The following GALK2 variants were observed in gnomAD, a reference collection of about 807,000 sequenced individuals.
GALK2 encodes galactokinase 2.
A neutral mutation model predicts 52.4 loss-of-function variants in GALK2; 36 were observed. The observed-to-expected ratio is 0.69, with a 90% CI of 0.53 to 0.91. The LOEUF is 0.91. Among genes scored for constraint, GALK2 ranks in the 40% least tolerant of loss-of-function variants. The pLI is 0.00. For missense variants in GALK2, 579 were observed against 559.1 expected (o/e 1.04, Z -0.36); for synonymous variants, 176 against 199.1 (o/e 0.88, Z 0.98).
chr15:49,238,124 T>A (rs11632303), intron 4 of GALK2, among the ~76,000 whole-genome samples: 25,740 of 152,150 alleles, frequency 0.17, 2,450 homozygotes, highest in Non-Finnish European at 0.21. Flanking sequence ...AAATTCTCCC[T>A]TGTATAATAG....
chr15:49,230,243 G>A (rs1218942110), intron 3 of GALK2, among the ~76,000 whole-genome samples: 2 of 152,148 alleles, frequency 1.3e-5, no homozygotes, highest in East Asian at 3.9e-4. Context: ...TTTCCTCTTT[G>A]GAGCAATGCC....
intron 5 of GALK2, among the ~76,000 whole-genome samples, chr15:49,262,405 G>A (rs1356324054): frequency 2.6e-5 from 4 of 152,012 alleles, no homozygotes; most frequent in East Asian, 3.9e-4. Context: ...CTGTGGGATC[G>A]GTGGTGATAT....
At chr15:49,260,763 C>T (rs1472472095) in intron 5 of GALK2, among the ~76,000 whole-genome samples, 2 of 152,108 alleles carry the variant, frequency 1.3e-5, no homozygotes, top group Non-Finnish European at 2.9e-5. Context: ...AGGAAGGGAT[C>T]GAGTTTCAGC....
intron 8 of GALK2, among the ~76,000 whole-genome samples, chr15:49,295,361 A>T (rs932490297): frequency 6.6e-6 from 1 of 151,844 alleles, no homozygotes; most frequent in Non-Finnish European, 1.5e-5. Context: ...AGATAGATAG[A>T]TTCATCTATC....
intron 9 of GALK2, 99 bp from the exon 10 acceptor site, chr15:49,327,850 TTTC>T (rs1386435317): frequency 7.1e-6 from 8 of 1,122,250 alleles, no homozygotes; most frequent in Non-Finnish European, 1.0e-5. Flanking sequence ...CCGCATGTAT[TTTC>T]TTCTTAGAAC....
At chr15:49,184,477 AT>A (rs1566913873) in intron 1 of GALK2, among the ~76,000 whole-genome samples, 2 of 152,062 alleles carry the variant, frequency 1.3e-5, no homozygotes, top group African/African-American at 4.8e-5. Context: ...TTTACGTTCA[AT>A]GTTATTGTTG....
intron 9 of GALK2, among the ~76,000 whole-genome samples, chr15:49,325,611 C>A (rs1375232802): frequency 1.3e-5 from 2 of 152,252 alleles, no homozygotes; most frequent in African/African-American, 4.8e-5. Context: ...TAAGTGTATA[C>A]AGCTGCGCAG....
upstream of GALK2, chr15:49,170,074 G>A (rs2084959515): frequency 1.4e-6 from 1 of 731,402 alleles, no homozygotes; most frequent in Admixed American, 3.2e-5. Flanking sequence ...TCCCTCCCTG[G>A]GAGCTAAGAG....
chr15:49,227,985 G>A (rs1043831243), intron 3 of GALK2, among the ~76,000 whole-genome samples: 9 of 152,066 alleles, frequency 5.9e-5, no homozygotes, highest in Admixed American at 6.6e-5. Flanking sequence ...GGATGATTTT[G>A]TTGAGTATAG....
chr15:49,156,008 A>G (rs2084434480), exon 1 of GALK2: 4 of 1,614,082 alleles, frequency 2.5e-6, no homozygotes, highest in African/African-American at 1.3e-5. Context: ...TGCCCGTCCT[A>G]TATGACAGGT....
At chr15:49,185,604 T>G (rs780791402) in intron 1 of GALK2, 5 of 152,240 alleles carry the variant, frequency 3.3e-5, no homozygotes, top group Non-Finnish European at 5.9e-5. Context: ...TGTCCCCTTT[T>G]TCTCTGCAGC....
chr15:49,352,941 T>A (rs1255792973), intron 3 of GALK2, among the ~76,000 whole-genome samples: 2 of 152,200 alleles, frequency 1.3e-5, no homozygotes, highest in Non-Finnish European at 1.5e-5. Context: ...CTGCAGTGTA[T>A]TAAACTTAGC....
intron 3 of GALK2, among the ~76,000 whole-genome samples, chr15:49,229,279 G>A (rs2090367637): frequency 6.6e-6 from 1 of 152,168 alleles, no homozygotes; most frequent in Non-Finnish European, 1.5e-5. Flanking sequence ...GGATATGGTT[G>A]TTGTTGGAGA....
At chr15:49,252,389 T>C (rs1230124482) in intron 5 of GALK2, among the ~76,000 whole-genome samples, 1 of 152,224 alleles carries the variant, frequency 6.6e-6, no homozygotes, top group African/African-American at 2.4e-5. Flanking sequence ...GAATTCTCTT[T>C]AATGGCTGCC....
chr15:49,228,687 A>ATTTT (rs1174406561), intron 3 of GALK2, among the ~76,000 whole-genome samples: 3 of 14,274 alleles, frequency 2.1e-4, no homozygotes, highest in Non-Finnish European at 3.5e-4. Flanking sequence ...ATATATATAT[A>ATTTT]TTTTTTTTTT....
chr15:49,258,883 A>G (rs934200201), intron 5 of GALK2, among the ~76,000 whole-genome samples: 4 of 148,594 alleles, frequency 2.7e-5, no homozygotes, highest in African/African-American at 7.5e-5. Flanking sequence ...TTTGATTTGC[A>G]TTTCTCTGAT....
At chr15:49,243,079 C>T (rs776768419) in intron 5 of GALK2, among the ~76,000 whole-genome samples, 3 of 152,170 alleles carry the variant, frequency 2.0e-5, no homozygotes, top group Non-Finnish European at 4.4e-5. Context: ...GCAGCTGACT[C>T]ATCCCACAGC....
intron 9 of GALK2, among the ~76,000 whole-genome samples, chr15:49,323,318 A>G (rs573914150): frequency 6.6e-6 from 1 of 152,264 alleles, no homozygotes; most frequent in East Asian, 1.9e-4. Context: ...CACCTCCACA[A>G]TTACCCTGCC....
At chr15:49,256,275 A>G (rs918378000) in intron 5 of GALK2, among the ~76,000 whole-genome samples, 2 of 152,200 alleles carry the variant, frequency 1.3e-5, no homozygotes, top group African/African-American at 4.8e-5. Context: ...AGTAGTATAT[A>G]TAACTGTAAA....
Sources: gnomAD v4.1 joint callset for allele counts (sites outside exome capture counted in the v4.1 genomes callset) on GRCh38, gnomAD v4.1.1 for gene constraint, MANE v1.5 for transcripts, NCBI Gene and HGNC (gene_info 2026-07-23, HGNC 2026-07-21) for gene names.